The following PLA2G12B variants were observed in gnomAD, a reference collection of about 807,000 sequenced individuals.
The protein encoded by PLA2G12B is phospholipase A2 group XIIB, also known as group XIIB secretory phospholipase A2-like protein.
A neutral mutation model predicts 22.3 loss-of-function variants in PLA2G12B; 19 were observed. That is an observed-to-expected ratio of 0.85 (90% CI 0.60 to 1.25). The LOEUF (loss-of-function observed/expected upper bound fraction) is 1.25, where lower values mean the gene tolerates loss of function less well. Among genes scored for constraint, PLA2G12B ranks in the 50% most tolerant of loss-of-function variants. The probability of loss-of-function intolerance (pLI) is 0.00; values close to 1 mark genes in which losing one functional copy is unlikely to be tolerated. For missense variants in PLA2G12B, 191 were observed against 246.6 expected (o/e 0.77, Z 1.51); for synonymous variants, 81 against 94.9 (o/e 0.85, Z 0.85).
chr10:72,935,870 T>C lies in PLA2G12B; in HGVS notation c.467-132A>G, dbSNP rs371935013. 167 of 1,243,652 alleles carry C rather than the reference T, an allele frequency of 1.3e-4. 4 individuals carry two copies. In the South Asian group the frequency reaches 2.6e-3, roughly 19 times the overall value. 77.0% of individuals were successfully genotyped at this position (1,243,652 alleles called of 1,614,324 possible). A position where few individuals can be genotyped will look rare whatever the true frequency, so the allele number is the denominator to read the frequency against. The stretch of plus-strand genomic sequence containing the variant: ...ACAGAATTCAAAGGAAGAGCATCCA[T>C]TTCAGAGAATGTTCTCAGAAAAGCT... On this transcript the variant is annotated intron_variant, in intron 3 of 3. Transcript: ENST00000373032.
chr10:72,939,817 A>C (rs903981008), intron 3 of PLA2G12B, among the ~76,000 whole-genome samples: 9 of 152,246 alleles, frequency 5.9e-5, no homozygotes, highest in Non-Finnish European at 1.0e-4. Context: ...TGTATGGCAT[A>C]CTGAGGAGTT....
intron 1 of PLA2G12B, among the ~76,000 whole-genome samples, chr10:72,951,006 C>T (rs965516265): frequency 5.3e-5 from 8 of 152,126 alleles, no homozygotes; most frequent in East Asian, 1.9e-4. Context: ...TTCATTTTTA[C>T]GTTGAAAGAG....
chr10:72,953,321 T>C (rs867960267), intron 1 of PLA2G12B, among the ~76,000 whole-genome samples: 2 of 152,196 alleles, frequency 1.3e-5, no homozygotes, highest in Non-Finnish European at 2.9e-5. Context: ...TAGTCACTCT[T>C]AGTGTATAAG....
At chr10:72,940,587 G>A (rs1287229196) in intron 3 of PLA2G12B, among the ~76,000 whole-genome samples, 1 of 152,058 alleles carries the variant, frequency 6.6e-6, no homozygotes, top group Non-Finnish European at 1.5e-5. Context: ...CACAGGAATC[G>A]CTTGAACCCG....
rs532209429 is a variant in PLA2G12B at position 72,937,404 on chromosome 10, T to C, written c.467-1666A>G. 7.2e-5 allele frequency among the ~76,000 whole-genome samples: 11 copies of C among 152,294 alleles called. 1 individual carries two copies. The South Asian group carries it at 2.3e-3, about 32-fold the overall frequency. ...TTACTAACCCAAGCTCGTGATTTAGTAATTAAAAACTTCCCCAAAGAAATC... is the reference window on the plus strand; with the variant it reads ...TTACTAACCCAAGCTCGTGATTTAGCAATTAAAAACTTCCCCAAAGAAATC... On this transcript the variant is annotated intron_variant, in intron 3 of 3. Coordinates refer to ENST00000373032, the MANE Select transcript of PLA2G12B (RefSeq NM_032562.5).
intron 1 of PLA2G12B, among the ~76,000 whole-genome samples, chr10:72,945,896 C>A (rs1404173775): frequency 2.6e-5 from 4 of 152,212 alleles, no homozygotes; most frequent in African/African-American, 4.8e-5. Flanking sequence ...GATCCACCCA[C>A]CTTGGCTTCC....
At chr10:72,941,105 A>C in intron 3 of PLA2G12B, 64 bp downstream of exon 3, 1 of 1,501,844 alleles carries the variant, frequency 6.7e-7, no homozygotes, top group South Asian at 1.2e-5. Context: ...GGTTCTGGCT[A>C]TATCTCGGTG....
In PLA2G12B at chr10:72,944,752, CT is replaced by C. The variant is rs542869206; in HGVS notation, c.212-2013del. Among the ~76,000 whole-genome samples, 496 of 152,318 alleles carry C rather than the reference CT, an allele frequency of 3.3e-3. 2 individuals are homozygous for C. The highest frequency in any genetic ancestry group is 5.4e-3 in the Non-Finnish European group (369 of 68,024). On this transcript the variant is annotated intron_variant, in intron 1 of 3. Coordinates refer to ENST00000373032, the MANE Select transcript of PLA2G12B (RefSeq NM_032562.5). ...ATGCCTCTGGTATAGTAAATCTGCA[CT>C]TTCCTGGAACCCAGGCTGCTTCTAG...
At chr10:72,952,228 C>T (rs1420313557) in intron 1 of PLA2G12B, among the ~76,000 whole-genome samples, 2 of 152,366 alleles carry the variant, frequency 1.3e-5, no homozygotes, top group African/African-American at 2.4e-5. Flanking sequence ...TGCCGTGGCT[C>T]ACGCCTATAA....
rs1357253927 is a variant in PLA2G12B, at chr10:72,935,513, CA to C, written c.*103del. On this transcript the variant is annotated 3_prime_UTR_variant, in exon 4 of 4. Coordinates refer to ENST00000373032, the MANE Select transcript of PLA2G12B (RefSeq NM_032562.5). ...TCCCTTTCTCCTGCTTTGTGGTGTC[CA>C]AACTGTTGGAAGAACGAATGAGTCA... 7 of 1,509,624 alleles carry C rather than the reference CA, an allele frequency of 4.6e-6. No homozygotes were observed. The highest frequency in any genetic ancestry group is 6.3e-6 in the Non-Finnish European group (7 of 1,114,142). 93.5% of individuals were successfully genotyped at this position (1,509,624 alleles called of 1,614,324 possible). A position where few individuals can be genotyped will look rare whatever the true frequency, so the allele number is the denominator to read the frequency against.
At chr10:72,946,248 T>C (rs1451291600) in intron 1 of PLA2G12B, among the ~76,000 whole-genome samples, 7 of 152,350 alleles carry the variant, frequency 4.6e-5, no homozygotes, top group South Asian at 2.1e-4. Flanking sequence ...CTTAGCAAAA[T>C]GTTTTCTGGT....
At chr10:72,948,564 CAT>C (rs143946033) in intron 1 of PLA2G12B, among the ~76,000 whole-genome samples, 2,236 of 152,268 alleles carry the variant, frequency 0.015, 39 homozygotes, top group African/African-American at 0.041. Context: ...CATATCCACA[CAT>C]GTTTTATTTT....
intron 1 of PLA2G12B, among the ~76,000 whole-genome samples, chr10:72,945,679 G>A (rs1483887569): frequency 1.3e-5 from 2 of 150,528 alleles, no homozygotes; most frequent in African/African-American, 4.9e-5. Context: ...ATGGAATCTC[G>A]CTCTGTTGCC....
intron 1 of PLA2G12B, among the ~76,000 whole-genome samples, chr10:72,951,035 G>A (rs1846522700): frequency 6.6e-6 from 1 of 152,160 alleles, no homozygotes; most frequent in East Asian, 1.9e-4. Context: ...GAATCTGAAT[G>A]CAATTAACCT....
At chr10:72,937,249 G>A (rs1846293811) in intron 3 of PLA2G12B, among the ~76,000 whole-genome samples, 1 of 152,106 alleles carries the variant, frequency 6.6e-6, no homozygotes, top group Non-Finnish European at 1.5e-5. Context: ...GGAATACTAT[G>A]AATACCTACA....
chr10:72,935,508 G>A lies in PLA2G12B; in HGVS notation c.*109C>T, dbSNP rs543840994. ...AATGTTCCCTTTCTCCTGCTTTGTG[G>A]TGTCCAAACTGTTGGAAGAACGAAT... On this transcript the variant is annotated 3_prime_UTR_variant, in exon 4 of 4. Transcript: ENST00000373032. 6.8e-7 allele frequency: 1 copy of A among 1,462,708 alleles called. No individual in the cohort carries two copies. Among genetic ancestry groups the A allele is most frequent in the East Asian group, 2.3e-5 (1 of 43,172 alleles). 90.6% of individuals were successfully genotyped at this position (1,462,708 alleles called of 1,614,324 possible).
intron 1 of PLA2G12B, among the ~76,000 whole-genome samples, chr10:72,947,667 C>G (rs932448518): frequency 8.5e-5 from 13 of 152,224 alleles, no homozygotes; most frequent in Non-Finnish European, 1.8e-4. Flanking sequence ...TCATCACCCC[C>G]AAGGTAGACC....
rs184613481 is a variant in PLA2G12B at position 72,947,326 on chromosome 10, G to A, written c.212-4586C>T. ...TGTGATCTTGGCACACTGTAGCCTCGATCTCCAGGCCCAAGCAAGCCTCCC... is the reference window on the plus strand; with the variant it reads ...TGTGATCTTGGCACACTGTAGCCTCAATCTCCAGGCCCAAGCAAGCCTCCC... On this transcript the variant is annotated intron_variant, in intron 1 of 3. Transcript: ENST00000373032. Among the ~76,000 whole-genome samples, 432 of 152,126 alleles carry A rather than the reference G, an allele frequency of 2.8e-3. 2 individuals are homozygous for A. Among genetic ancestry groups the A allele is most frequent in the African/African-American group, 9.8e-3 (405 of 41,486 alleles).
At chr10:72,949,936 C>T (rs1044907574) in intron 1 of PLA2G12B, among the ~76,000 whole-genome samples, 1 of 152,042 alleles carries the variant, frequency 6.6e-6, no homozygotes, top group Non-Finnish European at 1.5e-5. Flanking sequence ...GAGATAGTAC[C>T]ACTGCACTCC....
Sources: gnomAD v4.1 joint callset for allele counts (sites outside exome capture counted in the v4.1 genomes callset) on GRCh38, gnomAD v4.1.1 for gene constraint, MANE v1.5 for transcripts, NCBI Gene and HGNC (gene_info 2026-07-23, HGNC 2026-07-21) for gene names.